The following OARD1 variants were observed in gnomAD, a reference collection of about 807,000 sequenced individuals.
OARD1 encodes the protein O-acyl-ADP-ribose deacylase 1.
A neutral mutation model predicts 19.7 loss-of-function variants in OARD1; 19 were observed. That is an observed-to-expected ratio of 0.96 (90% confidence interval 0.67 to 1.41). The LOEUF is 1.41. Among genes scored for constraint, OARD1 ranks in the 40% most tolerant of loss-of-function variants. OARD1 has a pLI of 0.00. For synonymous variants in OARD1, 70 were observed against 61.8 expected (o/e 1.13, Z -0.62); for missense variants, 190 against 183.8 (o/e 1.03, Z -0.20).
At chr6:41,097,133 G>T (rs1046349132) in intron 1 of OARD1, among the ~76,000 whole-genome samples, 1 of 152,158 alleles carries the variant, frequency 6.6e-6, no homozygotes, top group Admixed American at 6.5e-5. Context: ...TTTCACCATG[G>T]AGTGCAGGCC....
intron 1 of OARD1, among the ~76,000 whole-genome samples, chr6:41,089,126 G>A (rs1031631766): frequency 1.1e-4 from 17 of 152,050 alleles, no homozygotes; most frequent in African/African-American, 3.9e-4. Context: ...TGGGATTACA[G>A]GCATGCACCA....
chr6:41,073,682 G>T (rs756041602), upstream of OARD1, among the ~76,000 whole-genome samples: 1 of 151,986 alleles, frequency 6.6e-6, no homozygotes, highest in East Asian at 1.9e-4. Context: ...GGCTGGCAAC[G>T]GGGCTGGCCC....
intron 1 of OARD1, chr6:41,089,572 T>C (rs1336281184): frequency 6.2e-7 from 1 of 1,602,552 alleles, no homozygotes; most frequent in Non-Finnish European, 8.5e-7. Context: ...TATGTTCTTT[T>C]CTGCAGATAC....
At position 41,090,329 on chromosome 6, in the gene OARD1, T is replaced by G. The variant is rs769684065; in HGVS notation, c.-42+7384A>C. The G allele has an allele frequency of 7.6e-6, 12 of 1,574,986 alleles. No homozygotes were observed. In the South Asian group the frequency reaches 8.9e-5, roughly 12 times the overall value. On this transcript the variant is annotated intron_variant, in intron 1 of 4. Transcript: ENST00000480585. The stretch of plus-strand genomic sequence containing the variant: ...AGCAAGGTAAGTGTACCCATAAGCT[T>G]CCCTAGGACTTTTTGGGGCAACTTT...
chr6:41,096,877 C>T (rs1372055531), intron 1 of OARD1, among the ~76,000 whole-genome samples: 2 of 152,220 alleles, frequency 1.3e-5, no homozygotes, highest in Admixed American at 6.5e-5. Context: ...AATCACTTTA[C>T]CCATCTGGCC....
chr6:41,084,555 C>T (rs1227457046), intron 1 of OARD1, among the ~76,000 whole-genome samples: 3 of 152,012 alleles, frequency 2.0e-5, no homozygotes, highest in Non-Finnish European at 4.4e-5. Context: ...AGAAAACTGA[C>T]GTATAGAAAG....
chr6:41,067,708 C>T (rs1414144127), intron 5 of OARD1, among the ~76,000 whole-genome samples: 3 of 152,202 alleles, frequency 2.0e-5, no homozygotes, highest in African/African-American at 7.2e-5. Flanking sequence ...AAATGTGTAA[C>T]TGTCATGACA....
At chr6:41,082,007 C>A (rs1349516486) in intron 1 of OARD1, among the ~76,000 whole-genome samples, 1 of 152,132 alleles carries the variant, frequency 6.6e-6, no homozygotes. Flanking sequence ...ATTAAAATAA[C>A]TCTATTTTTG....
chr6:41,089,331 CACT>C (rs1360990109), intron 1 of OARD1, among the ~76,000 whole-genome samples: 1 of 152,148 alleles, frequency 6.6e-6, no homozygotes, highest in Non-Finnish European at 1.5e-5. Context: ...ATAATCATAC[CACT>C]GCTATCTTTC....
At chr6:41,090,189 A>G (rs369487590) in intron 1 of OARD1, 36 of 1,547,632 alleles carry the variant, frequency 2.3e-5, no homozygotes, top group Non-Finnish European at 3.1e-5. Flanking sequence ...TTGTGTCATT[A>G]CTTATTTCCT....
chr6:41,094,151 CTG>C (rs776320226), intron 1 of OARD1, among the ~76,000 whole-genome samples: 3 of 152,022 alleles, frequency 2.0e-5, no homozygotes, highest in Non-Finnish European at 4.4e-5. Flanking sequence ...AGGTGGTAGT[CTG>C]TTATTTTTTT....
At chr6:41,071,491 G>A (rs1459802659) in intron 2 of OARD1, 105 bp downstream of exon 2, 21 of 1,146,300 alleles carry the variant, frequency 1.8e-5, no homozygotes, top group Non-Finnish European at 2.2e-5. Context: ...CAGCTAGAGA[G>A]AAAAAAAGAT....
chr6:41,084,597 C>CTGTTTT (rs1763991151), intron 1 of OARD1, among the ~76,000 whole-genome samples: 1 of 152,012 alleles, frequency 6.6e-6, no homozygotes, highest in African/African-American at 2.4e-5. Flanking sequence ...TTAAGCAGAC[C>CTGTTTT]AATAAAACAG....
chr6:41,079,227 G>T, intron 1 of OARD1: 1 of 1,490,402 alleles, frequency 6.7e-7, no homozygotes, highest in South Asian at 1.1e-5. Context: ...CCACTCAATT[G>T]GTTGGTCTAT....
intron 1 of OARD1, chr6:41,094,421 G>A (rs369611811): frequency 6.2e-7 from 1 of 1,614,006 alleles, no homozygotes; most frequent in African/African-American, 1.3e-5. Flanking sequence ...TCTCGGCACC[G>A]TCATGCCATG....
At chr6:41,084,288 C>A in intron 1 of OARD1, 1 of 1,395,794 alleles carries the variant, frequency 7.2e-7, no homozygotes, top group South Asian at 1.4e-5. Flanking sequence ...TTGCATTTAA[C>A]TGCTTCCTAA....
At position 41,071,068 on chromosome 6, in the gene OARD1, A is replaced by C. The variant is rs796956371; in HGVS notation, c.184+64T>G. ...CCCTCTTTACACGCATATTTTATTA[A>C]AGTGTAACAGATTAAAAGGTGCTCT... is the stretch of plus-strand genomic sequence containing the variant. On this transcript the variant is annotated intron_variant, in intron 3 of 5. Transcript: ENST00000424266. 2.0e-6 allele frequency: 3 copies of C among 1,493,442 alleles called. No homozygotes were observed. The African/African-American group carries it at 4.1e-5, about 21-fold the overall frequency. 92.5% of individuals were successfully genotyped at this position (1,493,442 alleles called of 1,614,324 possible).
At chr6:41,090,160 A>G (rs1764162198) in intron 1 of OARD1, 1 of 1,272,718 alleles carries the variant, frequency 7.9e-7, no homozygotes, top group African/African-American at 1.5e-5. Context: ...CTTTGTTAGT[A>G]TCTTTGGGAT....
Position 41,070,154 on chromosome 6 carries a change from T to C in OARD1, c.185-20A>G, listed in dbSNP as rs1228299691. 2 of 1,353,032 alleles carry C rather than the reference T, an allele frequency of 1.5e-6. No individual in the cohort carries two copies. Among genetic ancestry groups the C allele is most frequent in the Non-Finnish European group, 1.0e-6 (1 of 954,548 alleles). The allele number at this position is 1,353,032 out of a possible 1,614,324, so 83.8% of individuals were successfully genotyped here. The stretch of plus-strand genomic sequence containing the variant: ...TCTTTTCTAAGAAAAAGTTATTTAA[T>C]AGTAGAAATGAAAAAGAAAACCAAA... On this transcript the variant is annotated intron_variant, in intron 3 of 5. Coordinates refer to ENST00000424266, the MANE Select transcript of OARD1 (RefSeq NM_001329686.2).
Sources: gnomAD v4.1 joint callset for allele counts (sites outside exome capture counted in the v4.1 genomes callset) on GRCh38, gnomAD v4.1.1 for gene constraint, MANE v1.5 for transcripts, NCBI Gene and HGNC (gene_info 2026-07-23, HGNC 2026-07-21) for gene names.